Variants in CDKL5 observed in about 807,000 individuals in gnomAD.
CDKL5 encodes the protein cyclin-dependent kinase-like 5.
A neutral mutation model predicts 61.7 loss-of-function variants in CDKL5; 8 were observed. That is an observed-to-expected ratio of 0.13 (90% CI 0.08 to 0.23). The LOEUF (loss-of-function observed/expected upper bound fraction) is 0.23, where lower values mean the gene tolerates loss of function less well. Ranked by LOEUF, CDKL5 falls within the 10% of genes least tolerant of loss-of-function variation. The probability of loss-of-function intolerance (pLI) is 1.00; values close to 1 mark genes in which losing one functional copy is unlikely to be tolerated. For synonymous variants in CDKL5, 275 were observed against 272.3 expected, an observed-to-expected ratio of 1.01 and a Z score of -0.10; for missense variants, 440 against 734.5, an observed-to-expected ratio of 0.60 and a Z score of 4.63.
intron 1 of CDKL5, among the ~76,000 whole-genome samples, chrX:18,481,364 CTTTCTTTT>C (rs1221815788): frequency 1.4e-5 from 1 of 70,605 alleles, no homozygotes; most frequent in Non-Finnish European, 2.9e-5. Context: ...TTCTTTCTTT[CTTTCTTTT>C]GAGGCAGGGC....
In CDKL5 at chrX:18,632,734, G is replaced by T; in HGVS notation, c.*3977G>T. 1.3e-6 allele frequency: 1 copy of T among 754,373 alleles called. No homozygotes were observed. The highest frequency in any genetic ancestry group is 1.6e-6 in the Non-Finnish European group (1 of 639,242). The allele number at this position is 754,373 out of a possible 1,213,427, so 62.2% of individuals were successfully genotyped here. On this transcript the variant is annotated 3_prime_UTR_variant, in exon 18 of 18. Transcript: ENST00000623535. The stretch of plus-strand genomic sequence containing the variant: ...ATGTATTATAAAGTATGTTGTGGTT[G>T]TAGAGTTAGCCAGTTTAGCATGTTC...
chrX:18,616,574 G>A (rs979855445), intron 15 of CDKL5, among the ~76,000 whole-genome samples: 4 of 106,930 alleles, frequency 3.7e-5, no homozygotes, highest in East Asian at 2.9e-4. Flanking sequence ...GCGGTGAGCC[G>A]ACATTACGCC....
intron 5 of CDKL5, among the ~76,000 whole-genome samples, chrX:18,577,584 A>G (rs1292389368): frequency 8.9e-6 from 1 of 112,257 alleles, no homozygotes; most frequent in Non-Finnish European, 1.9e-5. Flanking sequence ...CACCACAGCG[A>G]GGTGTGACCC....
intron 1 of CDKL5, among the ~76,000 whole-genome samples, chrX:18,480,020 A>G (rs1167413421): frequency 8.9e-6 from 1 of 112,418 alleles, no homozygotes; most frequent in Non-Finnish European, 1.9e-5. Context: ...TATTGGTATG[A>G]TACATTCATT....
chrX:18,518,877 A>G (rs751486778), intron 3 of CDKL5, among the ~76,000 whole-genome samples: 2 of 110,755 alleles, frequency 1.8e-5, no homozygotes, highest in East Asian at 5.7e-4. Context: ...CGGGAGGGGA[A>G]AAGCATTTCC....
rs937346599 is a variant in CDKL5 at position 18,631,764 on chromosome X, T to A, written c.*3007T>A. 16 of 752,240 alleles carry A rather than the reference T, an allele frequency of 2.1e-5. No homozygotes were observed. The African/African-American group carries it at 3.7e-4, about 17-fold the overall frequency. 62.0% of individuals were successfully genotyped at this position (752,240 alleles called of 1,213,427 possible). ...CATCCTCGTTTTTCCTCTCTGAAGT[T>A]CTAAATACCCTTTAACTGAACCTTG... is the stretch of plus-strand genomic sequence containing the variant. On this transcript the variant is annotated 3_prime_UTR_variant, in exon 18 of 18. Coordinates refer to ENST00000623535, the MANE Select transcript of CDKL5 (RefSeq NM_001323289.2).
At chrX:18,613,754 C>T (rs1322731211) in intron 15 of CDKL5, among the ~76,000 whole-genome samples, 4 of 111,339 alleles carry the variant, frequency 3.6e-5, no homozygotes, top group Admixed American at 9.6e-5. Flanking sequence ...AAATGGGCTC[C>T]GACTCCAGAG....
At chrX:18,562,288 A>G (rs949511585) in intron 3 of CDKL5, among the ~76,000 whole-genome samples, 4 of 111,675 alleles carry the variant, frequency 3.6e-5, no homozygotes, top group Non-Finnish European at 7.5e-5. Flanking sequence ...ATACCCTTTG[A>G]ACCAATTATA....
intron 1 of CDKL5, among the ~76,000 whole-genome samples, chrX:18,427,698 T>A (rs1195716699): frequency 8.9e-6 from 1 of 111,806 alleles, no homozygotes; most frequent in Non-Finnish European, 1.9e-5. Context: ...CTAAATTTTT[T>A]AAAATCAAAA....
At chrX:18,608,753 TG>T in intron 12 of CDKL5, 57 bp from the exon 13 acceptor site, 1 of 773,649 alleles carries the variant, frequency 1.3e-6, no homozygotes, top group Non-Finnish European at 2.0e-6. Context: ...AAGGCCATGA[TG>T]AGTTCCATCC....
In CDKL5 at chrX:18,634,783, A is replaced by G. The variant is rs1053306543; in HGVS notation, c.*6026A>G. The G allele has an allele frequency of 1.3e-6, 1 of 751,094 alleles. No homozygotes were observed. Among genetic ancestry groups the G allele is most frequent in the Non-Finnish European group, 1.6e-6 (1 of 638,719 alleles). The allele number at this position is 751,094 out of a possible 1,213,427, so 61.9% of individuals were successfully genotyped here. ...TCATTGCCCCAAATTTCTATCTCCA[A>G]GAATTGCTTTGTGCCATTTTGAATT... On this transcript the variant is annotated 3_prime_UTR_variant, in exon 18 of 18. Transcript: ENST00000623535.
At chrX:18,590,259 A>G (rs956048803) in intron 9 of CDKL5, among the ~76,000 whole-genome samples, 1 of 111,061 alleles carries the variant, frequency 9.0e-6, no homozygotes, top group Non-Finnish European at 1.9e-5. Flanking sequence ...TCTAGGGTTT[A>G]TGGTTTTAGG....
At chrX:18,598,644 G>A (rs767032036) in intron 11 of CDKL5, 31 bp downstream of exon 11, 21 of 1,177,688 alleles carry the variant, frequency 1.8e-5, no homozygotes, top group Non-Finnish European at 2.4e-5. Flanking sequence ...AAATACAGAT[G>A]CAGTGTTGGT....
At chrX:18,516,299 T>TA (rs1162758071) in intron 3 of CDKL5, among the ~76,000 whole-genome samples, 1 of 108,120 alleles carries the variant, frequency 9.2e-6, no homozygotes, top group Non-Finnish European at 1.9e-5. Context: ...TTTTTTTTTT[T>TA]TTATTGCTAA....
intron 3 of CDKL5, among the ~76,000 whole-genome samples, chrX:18,553,461 T>C (rs1602256920): frequency 1.0e-5 from 1 of 100,421 alleles, no homozygotes. Flanking sequence ...GTTGTGTGTG[T>C]GTGCGTGTGT....
chrX:18,628,929 A>G lies in CDKL5; in HGVS notation c.*172A>G. ...GGCCGTTGAGCTCCTCGCGGCCACA[A>G]ATGCTAGTCAGGGATCTTAGAGCCA... On this transcript the variant is annotated 3_prime_UTR_variant, in exon 18 of 18. Coordinates refer to ENST00000623535, the MANE Select transcript of CDKL5 (RefSeq NM_001323289.2). The G allele has an allele frequency of 9.5e-7, 1 of 1,053,586 alleles. No homozygotes were observed. The highest frequency in any genetic ancestry group is 2.8e-5 in the South Asian group (1 of 35,525). 86.8% of individuals were successfully genotyped at this position (1,053,586 alleles called of 1,213,427 possible).
intron 3 of CDKL5, 36 bp from the exon 4 acceptor site, chrX:18,564,441 G>A (rs1454700116): frequency 9.2e-6 from 10 of 1,091,958 alleles, no homozygotes; most frequent in Non-Finnish European, 1.3e-5. Context: ...AAAAACACTG[G>A]AGAATGACTT....
rs199897804 is a variant in CDKL5 at position 18,604,645 on chromosome X, C to A, written c.1721C>A (p.Pro574Gln). ...AAGACGATGGAGGAATTGAAGCTGCCGGAGCACATGGACAGTAGCCATTCC... is the reference window on the plus strand; with the variant it reads ...AAGACGATGGAGGAATTGAAGCTGCAGGAGCACATGGACAGTAGCCATTCC... ...HSKTMEELKLPEHMDSSHSHS... is the reference protein window; with the variant it reads ...HSKTMEELKLQEHMDSSHSHS... Residue 574 changes from proline to glutamine, a missense_variant, in exon 12 of 18, where the codon CCG (proline) becomes CAG (glutamine). Coordinates refer to ENST00000623535, the MANE Select transcript of CDKL5 (RefSeq NM_001323289.2). 2 of 1,211,920 alleles carry A rather than the reference C, an allele frequency of 1.7e-6. No individual in the cohort carries two copies. Among genetic ancestry groups the A allele is most frequent in the Non-Finnish European group, 2.2e-6 (2 of 895,424 alleles).
intron 9 of CDKL5, chrX:18,589,109 T>G (rs763223326): frequency 2.8e-5 from 3 of 108,880 alleles, no homozygotes; most frequent in African/African-American, 1.0e-4. Context: ...TTCTTCCACC[T>G]ACCCCAAAAA....
Sources: gnomAD v4.1 joint callset for allele counts (sites outside exome capture counted in the v4.1 genomes callset) on GRCh38, gnomAD v4.1.1 for gene constraint, MANE v1.5 for transcripts, NCBI Gene and HGNC (gene_info 2026-07-23, HGNC 2026-07-21) for gene names.